Variants in GRID1 observed in about 807,000 individuals in gnomAD.
GRID1 encodes the protein glutamate ionotropic receptor delta type subunit 1, also known as glutamate receptor ionotropic, delta-1.
GRID1 carries 28 observed loss-of-function variants against 98.0 expected under a neutral mutation model. The ratio of observed to expected loss-of-function variants is 0.29; its 90% confidence interval spans 0.21 to 0.39. The LOEUF is 0.39. GRID1 is among the 10% of genes least tolerant of loss of function. GRID1 has a pLI of 1.00. For missense variants in GRID1, 1,111 were observed against 1,340.5 expected (o/e 0.83, Z 2.67); for synonymous variants, 553 against 538.5 (o/e 1.03, Z -0.37).
intron 12 of GRID1, among the ~76,000 whole-genome samples, chr10:85,652,766 A>G (rs1473397018): frequency 6.6e-6 from 1 of 152,046 alleles, no homozygotes; most frequent in African/African-American, 2.4e-5. Flanking sequence ...AGCGCCCCCC[A>G]GCCTCTCTAA....
At chr10:86,307,728 G>T (rs1847777836) in intron 2 of GRID1, among the ~76,000 whole-genome samples, 1 of 151,998 alleles carries the variant, frequency 6.6e-6, no homozygotes, top group Admixed American at 6.5e-5. Flanking sequence ...ATGAGGTGAT[G>T]ATATGTTCAT....
intron 6 of GRID1, among the ~76,000 whole-genome samples, chr10:85,857,024 T>G (rs1466107927): frequency 6.6e-6 from 1 of 152,120 alleles, no homozygotes; most frequent in Non-Finnish European, 1.5e-5. Flanking sequence ...GATCTGGGCC[T>G]CAGAAAGACC....
intron 4 of GRID1, among the ~76,000 whole-genome samples, chr10:86,051,784 C>T (rs878965774): frequency 6.6e-5 from 10 of 152,174 alleles, no homozygotes; most frequent in Admixed American, 2.0e-4. Context: ...AGTTTGATAA[C>T]GCATTCTGTT....
intron 2 of GRID1, among the ~76,000 whole-genome samples, chr10:86,320,600 G>C (rs778531480): frequency 1.3e-5 from 2 of 152,154 alleles, no homozygotes; most frequent in Non-Finnish European, 2.9e-5. Flanking sequence ...AAGTTCTGGA[G>C]ATGGATGGTG....
chr10:86,348,773 T>G (rs1011313298), intron 2 of GRID1, among the ~76,000 whole-genome samples: 1 of 152,234 alleles, frequency 6.6e-6, no homozygotes, highest in Admixed American at 6.5e-5. Context: ...CATTCACCAG[T>G]GCCGATCAGT....
chr10:85,931,135 C>A (rs921911647), intron 4 of GRID1, among the ~76,000 whole-genome samples: 14 of 152,082 alleles, frequency 9.2e-5, no homozygotes, highest in African/African-American at 3.1e-4. Flanking sequence ...CCTGGTGTTA[C>A]TCTTAAGCAT....
intron 2 of GRID1, among the ~76,000 whole-genome samples, chr10:86,212,908 G>T (rs985726864): frequency 6.6e-6 from 1 of 152,098 alleles, no homozygotes; most frequent in African/African-American, 2.4e-5. Context: ...AAAATGGTGG[G>T]GGGATGGGTG....
intron 2 of GRID1, among the ~76,000 whole-genome samples, chr10:86,339,711 CAA>C (rs1848283710): frequency 6.6e-6 from 1 of 152,196 alleles, no homozygotes; most frequent in Non-Finnish European, 1.5e-5. Context: ...AAAGTGACCT[CAA>C]GAGGAGGTGT....
At chr10:86,306,730 G>A (rs1157687676) in intron 2 of GRID1, among the ~76,000 whole-genome samples, 1 of 152,198 alleles carries the variant, frequency 6.6e-6, no homozygotes, top group Admixed American at 6.5e-5. Context: ...TCCAGAAACA[G>A]AGATCCAAAG....
At chr10:85,844,604 C>G (rs1842989664) in intron 8 of GRID1, among the ~76,000 whole-genome samples, 2 of 151,914 alleles carry the variant, frequency 1.3e-5, no homozygotes, top group South Asian at 4.1e-4. Flanking sequence ...CTGGATCTCT[C>G]TATACTATTT....
intron 8 of GRID1, among the ~76,000 whole-genome samples, chr10:85,838,726 A>G (rs995942591): frequency 1.3e-5 from 2 of 152,206 alleles, no homozygotes; most frequent in African/African-American, 2.4e-5. Flanking sequence ...GACACTATAA[A>G]GCAACCACAC....
At chr10:85,692,444 G>T (rs374465762) in intron 12 of GRID1, among the ~76,000 whole-genome samples, 1 of 151,956 alleles carries the variant, frequency 6.6e-6, no homozygotes, top group Non-Finnish European at 1.5e-5. Flanking sequence ...GGTGGATTGC[G>T]TGACCCCAGG....
intron 8 of GRID1, among the ~76,000 whole-genome samples, chr10:85,739,335 C>T (rs978918782): frequency 1.3e-5 from 2 of 151,984 alleles, no homozygotes; most frequent in African/African-American, 4.8e-5. Flanking sequence ...ATCCTAACAA[C>T]TTGTGAGGCT....
chr10:85,652,803 C>T (rs1340775265), intron 12 of GRID1, among the ~76,000 whole-genome samples: 1 of 152,124 alleles, frequency 6.6e-6, no homozygotes, highest in Admixed American at 6.5e-5. Context: ...GGGAAGGCTT[C>T]CTAGGTGTCT....
intron 2 of GRID1, among the ~76,000 whole-genome samples, chr10:86,359,624 C>G (rs974570345): frequency 2.0e-5 from 3 of 152,198 alleles, no homozygotes; most frequent in African/African-American, 7.2e-5. Context: ...CTGCCTCTTT[C>G]CTAAACTGTT....
intron 4 of GRID1, among the ~76,000 whole-genome samples, chr10:86,099,446 G>T (rs574551760): frequency 2.0e-5 from 3 of 152,108 alleles, no homozygotes; most frequent in South Asian, 2.1e-4. Flanking sequence ...TCATGGCAGG[G>T]CCCTCACAGA....
intron 2 of GRID1, among the ~76,000 whole-genome samples, chr10:86,287,053 C>T (rs1429587765): frequency 2.0e-5 from 3 of 152,164 alleles, no homozygotes; most frequent in Admixed American, 1.3e-4. Context: ...ACTTGAGGAG[C>T]ACAGCAGAGC....
intron 2 of GRID1, among the ~76,000 whole-genome samples, chr10:86,343,062 T>G: frequency 6.6e-6 from 1 of 152,222 alleles, no homozygotes; most frequent in Non-Finnish European, 1.5e-5. Flanking sequence ...GCCACACGAA[T>G]GTTCTCTCTG....
At chr10:85,846,368 A>G (rs1267805558) in intron 8 of GRID1, among the ~76,000 whole-genome samples, 1 of 152,142 alleles carries the variant, frequency 6.6e-6, no homozygotes, top group Non-Finnish European at 1.5e-5. Context: ...CTCCATCTCT[A>G]CTAAAATCAG....
Sources: allele counts gnomAD v4.1 joint callset (sites outside exome capture counted in the v4.1 genomes callset), GRCh38; gene constraint gnomAD v4.1.1; transcripts MANE v1.5; gene names NCBI Gene and HGNC (gene_info 2026-07-23, HGNC 2026-07-21).